Variants in GABRB2 observed in about 807,000 individuals in gnomAD.
GABRB2 encodes the protein gamma-aminobutyric acid receptor subunit beta-2.
In GABRB2, 16 loss-of-function variants were observed where a neutral mutation model predicts 54.7. That is an observed-to-expected ratio of 0.29 (90% confidence interval 0.20 to 0.44). The LOEUF is 0.44. Ranked by LOEUF, GABRB2 falls within the 20% of genes least tolerant of loss-of-function variation. GABRB2 has a pLI of 1.00. For synonymous variants in GABRB2, 244 were observed against 233.8 expected, an observed-to-expected ratio of 1.04 and a Z score of -0.40; for missense variants, 355 against 644.0, an observed-to-expected ratio of 0.55 and a Z score of 4.86.
At chr5:161,436,781 C>T (rs1424710336) in intron 4 of GABRB2, among the ~76,000 whole-genome samples, 1 of 152,180 alleles carries the variant, frequency 6.6e-6, no homozygotes, top group East Asian at 1.9e-4. Context: ...ACCCCCTCCC[C>T]ATCCCTAGCT....
chr5:161,511,796 T>C (rs932175351), intron 3 of GABRB2, among the ~76,000 whole-genome samples: 1 of 152,026 alleles, frequency 6.6e-6, no homozygotes, highest in Non-Finnish European at 1.5e-5. Context: ...CTTCCCATTA[T>C]GAATGTCTCT....
intron 5 of GABRB2, among the ~76,000 whole-genome samples, chr5:161,337,282 T>C (rs1210308668): frequency 6.6e-6 from 1 of 152,160 alleles, no homozygotes; most frequent in Non-Finnish European, 1.5e-5. Context: ...TGAATTACAA[T>C]ACATTTGAAT....
At chr5:161,313,426 A>G (rs1009719747) in intron 9 of GABRB2, among the ~76,000 whole-genome samples, 5 of 151,816 alleles carry the variant, frequency 3.3e-5, no homozygotes, top group African/African-American at 1.2e-4. Flanking sequence ...TTTCCTCAAC[A>G]TGCATCTGAA....
intron 9 of GABRB2, among the ~76,000 whole-genome samples, chr5:161,310,486 T>TTCTC (rs199982232): frequency 6.6e-6 from 1 of 152,000 alleles, no homozygotes; most frequent in Admixed American, 6.5e-5. Flanking sequence ...GCTTGCTTGT[T>TTCTC]TCTCTCTCTC....
intron 4 of GABRB2, among the ~76,000 whole-genome samples, chr5:161,452,902 G>A (rs1250759681): frequency 6.6e-6 from 1 of 152,088 alleles, no homozygotes; most frequent in Non-Finnish European, 1.5e-5. Flanking sequence ...AGGCTGAGGT[G>A]GGAGAATTAC....
In GABRB2 at chr5:161,463,549, TTTTATTTATATATATATATATATATATA is replaced by T. The variant is rs1480754755; in HGVS notation, c.238-3733_238-3706del. Among the ~76,000 whole-genome samples, 41 of 54,488 alleles carry T rather than the reference TTTTATTTATATATATATATATATATATA, an allele frequency of 7.5e-4. 2 individuals carry two copies. In the East Asian group the frequency reaches 0.036, roughly 48 times the overall value. 35.7% of individuals were successfully genotyped at this position (54,488 alleles called of 152,430 possible). On this transcript the variant is annotated intron_variant, in intron 3 of 9. Transcript: ENST00000393959. Reference sequence around the variant, plus strand: ...ATGTTGACAAGGTGATTCCAAATATTTTTATTTATATATATATATATATATATATATATATATATATATATATATATGA... The same window carrying T: ...ATGTTGACAAGGTGATTCCAAATATTTATATATATATATATATATATATGA...
intron 5 of GABRB2, among the ~76,000 whole-genome samples, chr5:161,339,806 C>A (rs1754101616): frequency 6.6e-6 from 1 of 151,938 alleles, no homozygotes; most frequent in Admixed American, 6.6e-5. Context: ...AGATTAAGGA[C>A]CTTGCTAAAA....
At chr5:161,380,451 A>G (rs1053928104) in intron 5 of GABRB2, among the ~76,000 whole-genome samples, 2 of 152,148 alleles carry the variant, frequency 1.3e-5, no homozygotes, top group Non-Finnish European at 1.5e-5. Context: ...TCAAATCTCT[A>G]TTTAAAACCC....
At chr5:161,369,018 G>A (rs1755053022) in intron 5 of GABRB2, among the ~76,000 whole-genome samples, 1 of 152,100 alleles carries the variant, frequency 6.6e-6, no homozygotes, top group African/African-American at 2.4e-5. Context: ...AAAAGAGAAG[G>A]CAGAAATCGA....
At chr5:161,364,179 G>C (rs1754909336) in intron 5 of GABRB2, among the ~76,000 whole-genome samples, 1 of 151,944 alleles carries the variant, frequency 6.6e-6, no homozygotes, top group Non-Finnish European at 1.5e-5. Flanking sequence ...CACAAAAATA[G>C]GATTATTTAT....
At chr5:161,355,481 C>A (rs1010529148) in intron 5 of GABRB2, among the ~76,000 whole-genome samples, 12 of 151,290 alleles carry the variant, frequency 7.9e-5, no homozygotes, top group African/African-American at 2.7e-4. Context: ...TATATGTATG[C>A]ACATTGTATA....
At chr5:161,502,215 A>T (rs1031674252) in intron 3 of GABRB2, among the ~76,000 whole-genome samples, 2 of 152,082 alleles carry the variant, frequency 1.3e-5, no homozygotes, top group South Asian at 4.1e-4. Context: ...AGGGTGAAAA[A>T]ATAAAGTTGA....
chr5:161,403,718 TAAGA>T (rs1756271634), intron 5 of GABRB2, among the ~76,000 whole-genome samples: 1 of 152,060 alleles, frequency 6.6e-6, no homozygotes, highest in Non-Finnish European at 1.5e-5. Context: ...AACCACATAA[TAAGA>T]AAGAGTTCTT....
Position 161,463,555 on chromosome 5 carries a change from TTATATATATA to T in GABRB2, c.238-3721_238-3712del, listed in dbSNP as rs869302091. On this transcript the variant is annotated intron_variant, in intron 3 of 9. Coordinates refer to ENST00000393959, the MANE Select transcript of GABRB2 (RefSeq NM_001371727.1). ...ACAAGGTGATTCCAAATATTTTTAT[TTATATATATA>T]TATATATATATATATATATATATAT... is the stretch of plus-strand genomic sequence containing the variant. Among the ~76,000 whole-genome samples, 11 of 23,700 alleles carry T rather than the reference TTATATATATA, an allele frequency of 4.6e-4. 1 individual carries two copies. Among genetic ancestry groups the T allele is most frequent in the African/African-American group, 2.0e-3 (11 of 5,630 alleles). 15.5% of individuals were successfully genotyped at this position (23,700 alleles called of 152,430 possible).
intron 4 of GABRB2, among the ~76,000 whole-genome samples, chr5:161,414,266 T>C (rs1756599291): frequency 6.6e-6 from 1 of 152,198 alleles, no homozygotes; most frequent in Non-Finnish European, 1.5e-5. Context: ...TGACACTTAG[T>C]TGCCTCATCC....
chr5:161,351,970 A>G (rs748861192), intron 5 of GABRB2, among the ~76,000 whole-genome samples: 3 of 152,140 alleles, frequency 2.0e-5, no homozygotes, highest in Non-Finnish European at 4.4e-5. Flanking sequence ...CTCACTAATC[A>G]TCAGAGAAAC....
chr5:161,476,004 T>G (rs1420848005), intron 3 of GABRB2, among the ~76,000 whole-genome samples: 1 of 151,848 alleles, frequency 6.6e-6, no homozygotes, highest in Non-Finnish European at 1.5e-5. Flanking sequence ...TAAAATAATC[T>G]CTGTTTGCAG....
intron 9 of GABRB2, among the ~76,000 whole-genome samples, chr5:161,320,374 C>T (rs1045713518): frequency 2.0e-5 from 3 of 148,662 alleles, no homozygotes; most frequent in South Asian, 2.1e-4. Context: ...CTTTGACACA[C>T]GTGACTTGTA....
Position 161,289,934 on chromosome 5 carries a change from T to C in GABRB2, c.*4147A>G, listed in dbSNP as rs1757192670. The C allele has an allele frequency of 6.6e-6, 1 of 152,070 alleles. No individual in the cohort carries two copies. The highest frequency in any genetic ancestry group is 1.5e-5 in the Non-Finnish European group (1 of 67,974). 9.4% of individuals were successfully genotyped at this position (152,070 alleles called of 1,614,324 possible). Reference sequence around the variant, plus strand: ...GGGGCACTGCAGTAATAGTACTTAGTAAAAAATAAATAAAAATTAAGAAAA... The same window carrying C: ...GGGGCACTGCAGTAATAGTACTTAGCAAAAAATAAATAAAAATTAAGAAAA... On this transcript the variant is annotated 3_prime_UTR_variant, in exon 10 of 10. Coordinates refer to ENST00000393959, the MANE Select transcript of GABRB2 (RefSeq NM_001371727.1).
Sources: allele counts gnomAD v4.1 joint callset (sites outside exome capture counted in the v4.1 genomes callset), GRCh38; gene constraint gnomAD v4.1.1; transcripts MANE v1.5; gene names NCBI Gene and HGNC (gene_info 2026-07-23, HGNC 2026-07-21).